The following ARSJ variants were observed in gnomAD, a reference collection of about 807,000 sequenced individuals.
The protein encoded by ARSJ is arylsulfatase J.
Under a neutral mutation model 35.9 loss-of-function variants are expected in ARSJ, and 26 were observed. That is an observed-to-expected ratio of 0.72 (90% confidence interval 0.53 to 1.00). ARSJ has a LOEUF of 1.00. Ranked by LOEUF, ARSJ falls within the 50% of genes least tolerant of loss-of-function variation. The pLI, the probability that ARSJ is intolerant of heterozygous loss-of-function variation, is 0.00. For missense variants in ARSJ, 667 were observed against 723.6 expected (o/e 0.92, Z 0.90); for synonymous variants, 294 against 267.6 (o/e 1.10, Z -0.96).
intron 1 of ARSJ, among the ~76,000 whole-genome samples, chr4:113,945,324 A>G (rs1725407960): frequency 6.6e-6 from 1 of 152,036 alleles, no homozygotes; most frequent in African/African-American, 2.4e-5. Flanking sequence ...TTTTGTAGCA[A>G]TGGGGGTCTC....
intron 1 of ARSJ, among the ~76,000 whole-genome samples, chr4:113,936,399 G>C (rs1041903478): frequency 2.0e-5 from 3 of 151,798 alleles, no homozygotes; most frequent in African/African-American, 7.3e-5. Flanking sequence ...TATAGATTTT[G>C]TTTATAATTC....
intron 1 of ARSJ, among the ~76,000 whole-genome samples, chr4:113,910,356 T>C (rs1231458110): frequency 6.6e-6 from 1 of 152,212 alleles, no homozygotes. Context: ...ATATTTAATG[T>C]ACTCTTGTAA....
At chr4:113,916,172 C>G (rs1359829710) in intron 1 of ARSJ, among the ~76,000 whole-genome samples, 1 of 152,184 alleles carries the variant, frequency 6.6e-6, no homozygotes, top group Non-Finnish European at 1.5e-5. Flanking sequence ...TACTTTATCT[C>G]TGGACATTCT....
chr4:113,905,930 A>G (rs972243579), intron 1 of ARSJ, among the ~76,000 whole-genome samples: 2 of 152,194 alleles, frequency 1.3e-5, no homozygotes, highest in South Asian at 4.2e-4. Context: ...GGCCTCCCAA[A>G]GTACTGCCAC....
In ARSJ at chr4:113,903,482, C is replaced by T; in HGVS notation, c.592G>A (p.Gly198Ser). 1 of 1,613,932 alleles carries T rather than the reference C, an allele frequency of 6.2e-7. No homozygotes were observed. The highest frequency in any genetic ancestry group is 8.5e-7 in the Non-Finnish European group (1 of 1,179,960). The change falls in exon 2 of 2, where the codon GGT becomes AGT. Residue 198 changes from glycine to serine, a missense_variant. By Grantham distance (56) the Gly-to-Ser change is moderately conservative (BLOSUM62 0). Coordinates refer to ENST00000315366, the MANE Select transcript of ARSJ (RefSeq NM_024590.4). ...PTRRGFDTFF[G>S]SLLGSGDYYT... Reference sequence around the variant, plus strand: ...TAATCCCCACTTCCCAAAAGGGAACCAAAAAAGGTATCAAATCCTCTTCTG... The same window carrying T: ...TAATCCCCACTTCCCAAAAGGGAACTAAAAAAGGTATCAAATCCTCTTCTG...
intron 1 of ARSJ, among the ~76,000 whole-genome samples, chr4:113,923,180 C>T (rs993497193): frequency 1.3e-5 from 2 of 152,128 alleles, no homozygotes; most frequent in East Asian, 3.8e-4. Flanking sequence ...TGAGCCAATT[C>T]CTTAAAATAA....
intron 1 of ARSJ, among the ~76,000 whole-genome samples, chr4:113,924,026 T>A (rs371294776): frequency 7.8e-6 from 1 of 128,678 alleles, no homozygotes; most frequent in African/African-American, 3.0e-5. Flanking sequence ...AATCTACATA[T>A]ATATATATAA....
chr4:113,950,896 A>G (rs1018722643), intron 1 of ARSJ, among the ~76,000 whole-genome samples: 6 of 152,214 alleles, frequency 3.9e-5, no homozygotes, highest in Admixed American at 3.9e-4. Flanking sequence ...AAGCACTGGT[A>G]TACTGACGTG....
At chr4:113,914,876 A>G (rs1458570097) in intron 1 of ARSJ, among the ~76,000 whole-genome samples, 1 of 152,220 alleles carries the variant, frequency 6.6e-6, no homozygotes, top group Non-Finnish European at 1.5e-5. Context: ...AAAGCTGAGA[A>G]GAGAATATAT....
At chr4:113,947,607 G>GAGGT (rs1725578969) in intron 1 of ARSJ, among the ~76,000 whole-genome samples, 1 of 65,616 alleles carries the variant, frequency 1.5e-5, no homozygotes, top group Non-Finnish European at 4.0e-5. Context: ...GAGGGAGAGA[G>GAGGT]AGGGAGGGAG....
intron 1 of ARSJ, among the ~76,000 whole-genome samples, chr4:113,940,404 G>A (rs1390584720): frequency 6.6e-6 from 1 of 151,950 alleles, no homozygotes; most frequent in African/African-American, 2.4e-5. Context: ...AAACCAAACA[G>A]TGCATGTTCT....
chr4:113,953,167 C>T (rs1253446467), intron 1 of ARSJ, among the ~76,000 whole-genome samples: 4 of 152,034 alleles, frequency 2.6e-5, no homozygotes, highest in Non-Finnish European at 4.4e-5. Flanking sequence ...AAGGCATGTA[C>T]TCACTATGCT....
chr4:113,975,485 T>TA (rs34874511), intron 1 of ARSJ, among the ~76,000 whole-genome samples: 4 of 152,072 alleles, frequency 2.6e-5, no homozygotes, highest in African/African-American at 4.8e-5. Context: ...TGCAAAACTG[T>TA]AAAAAAAGAA....
At position 113,978,885 on chromosome 4, in the gene ARSJ, C is replaced by T; in HGVS notation, c.-51G>A. 6.6e-7 allele frequency: 1 copy of T among 1,521,094 alleles called. No individual in the cohort carries two copies. Among genetic ancestry groups the T allele is most frequent in the Non-Finnish European group, 8.8e-7 (1 of 1,135,538 alleles). The allele number at this position is 1,521,094 out of a possible 1,614,324, so 94.2% of individuals were successfully genotyped here. ...ACGCGGAGAACCACGCGCCCCGCGCCGCTGCGGGCGCACACATGCACCCAA... is the reference window on the plus strand; with the variant it reads ...ACGCGGAGAACCACGCGCCCCGCGCTGCTGCGGGCGCACACATGCACCCAA... On this transcript the variant is annotated 5_prime_UTR_variant, in exon 1 of 2. Coordinates refer to ENST00000315366, the MANE Select transcript of ARSJ (RefSeq NM_024590.4).
At chr4:113,957,559 G>C (rs1440151170) in intron 1 of ARSJ, among the ~76,000 whole-genome samples, 3 of 151,904 alleles carry the variant, frequency 2.0e-5, no homozygotes. Context: ...TTCCAGGATA[G>C]AACATTAAAA....
In ARSJ at chr4:113,902,811, G is replaced by T; in HGVS notation, c.1263C>A (p.Asn421Lys). Reference sequence around the variant, plus strand: ...TTGCCTTGGTGTATATGGGGTCAATGTTATGCAAAATATCTACTCGGGGTG... The same window carrying T: ...TTGCCTTGGTGTATATGGGGTCAATTTTATGCAAAATATCTACTCGGGGTG... ...LRSPRVDILH[N>K]IDPIYTKAKN... The change falls in exon 2 of 2, where the codon AAC becomes AAA. Residue 421 changes from asparagine (N) to lysine (K), a missense_variant. By Grantham distance (94) the Asn-to-Lys change is moderately conservative (BLOSUM62 0). Transcript: ENST00000315366. 1 of 1,614,120 alleles carries T rather than the reference G, an allele frequency of 6.2e-7. No individual in the cohort carries two copies. Among genetic ancestry groups the T allele is most frequent in the Non-Finnish European group, 8.5e-7 (1 of 1,180,028 alleles).
chr4:113,902,317 G>T lies in ARSJ; in HGVS notation c.1757C>A (p.Ala586Glu). ...SKKKKKKQQKAVSGSTCHSGV... is the reference protein window; with the variant it reads ...SKKKKKKQQKEVSGSTCHSGV... ...TGAATGGCAAGTTGAACCTGAGACTGCTTTCTGCTGTTTCTTCTTCTTTTT... is the reference window on the plus strand; with the variant it reads ...TGAATGGCAAGTTGAACCTGAGACTTCTTTCTGCTGTTTCTTCTTCTTTTT... Residue 586 changes from alanine to glutamate, a missense_variant, in exon 2 of 2, where the codon GCA becomes GAA. Coordinates refer to ENST00000315366, the MANE Select transcript of ARSJ (RefSeq NM_024590.4). The T allele has an allele frequency of 6.2e-7, 1 of 1,612,876 alleles. No individual in the cohort carries two copies. Among genetic ancestry groups the T allele is most frequent in the Non-Finnish European group, 8.5e-7 (1 of 1,179,974 alleles).
intron 1 of ARSJ, among the ~76,000 whole-genome samples, chr4:113,939,035 T>A (rs1452552129): frequency 6.7e-6 from 1 of 150,200 alleles, no homozygotes; most frequent in Non-Finnish European, 1.5e-5. Context: ...TAGCATTAGG[T>A]ATATCTCCTA....
At chr4:113,960,318 C>A (rs1726464935) in intron 1 of ARSJ, among the ~76,000 whole-genome samples, 2 of 151,992 alleles carry the variant, frequency 1.3e-5, no homozygotes, top group Non-Finnish European at 2.9e-5. Context: ...CACTACTGGG[C>A]TATTGAATTT....
Sources: gnomAD v4.1 joint callset for allele counts (sites outside exome capture counted in the v4.1 genomes callset) on GRCh38, gnomAD v4.1.1 for gene constraint, MANE v1.5 for transcripts, NCBI Gene and HGNC (gene_info 2026-07-23, HGNC 2026-07-21) for gene names.